The following PUM1 variants were observed in gnomAD, a reference collection of about 807,000 sequenced individuals.
The protein encoded by PUM1 is pumilio RNA binding family member 1.
In PUM1, 13 loss-of-function variants were observed where a neutral mutation model predicts 131.8. The observed-to-expected ratio is 0.10, with a 90% CI of 0.06 to 0.16. The LOEUF is 0.16. PUM1 is among the 10% of genes least tolerant of loss of function. The probability of loss-of-function intolerance (pLI) is 1.00; values close to 1 mark genes in which losing one functional copy is unlikely to be tolerated. For synonymous variants in PUM1, 509 were observed against 556.5 expected, an observed-to-expected ratio of 0.91 and a Z score of 1.20; for missense variants, 961 against 1,512.4, an observed-to-expected ratio of 0.64 and a Z score of 6.05.
chr1:31,035,523 G>T (rs192393035), intron 2 of PUM1, among the ~76,000 whole-genome samples: 1 of 152,174 alleles, frequency 6.6e-6, no homozygotes, highest in Non-Finnish European at 1.5e-5. Context: ...AGGCCGAGGC[G>T]GGCGGATCAC....
At chr1:30,933,428 T>TCACACACACACACACACACACACACA (rs1223375046) in intron 21 of PUM1, 86 bp from the exon 22 acceptor site, 1 of 947,890 alleles carries the variant, frequency 1.1e-6, no homozygotes, top group African/African-American at 1.9e-5. Context: ...ATGTCATGCA[T>TCACACACACACACACACACACACACA]CACACACACA....
At chr1:30,969,258 C>T (rs1298832505) in intron 10 of PUM1, among the ~76,000 whole-genome samples, 4 of 139,296 alleles carry the variant, frequency 2.9e-5, no homozygotes, top group Non-Finnish European at 6.0e-5. Flanking sequence ...GAGCTGAGAT[C>T]GAGACACTTC....
At chr1:30,970,301 AAG>A (rs1221960356) in intron 10 of PUM1, among the ~76,000 whole-genome samples, 1 of 152,260 alleles carries the variant, frequency 6.6e-6, no homozygotes, top group Non-Finnish European at 1.5e-5. Flanking sequence ...AATATTTGTT[AAG>A]TGAGTATAAG....
chr1:30,996,396 T>C lies in PUM1; in HGVS notation c.721-1176A>G, dbSNP rs568992537. 4.1e-4 allele frequency among the ~76,000 whole-genome samples: 63 copies of C among 152,268 alleles called. 1 individual carries two copies. The South Asian group carries it at 0.011, about 27-fold the overall frequency. On this transcript the variant is annotated intron_variant, in intron 5 of 21. Transcript: ENST00000426105. The stretch of plus-strand genomic sequence containing the variant: ...ACAGCAGCAGACACTCGGTTATAAA[T>C]AGACTGACTGTGGACAGGCCTGTAG...
intron 3 of PUM1, among the ~76,000 whole-genome samples, chr1:31,013,478 T>C (rs1642695295): frequency 6.6e-6 from 1 of 152,214 alleles, no homozygotes; most frequent in African/African-American, 2.4e-5. Flanking sequence ...GTTACAACCC[T>C]GCAGACGTGA....
intron 2 of PUM1, among the ~76,000 whole-genome samples, chr1:31,045,234 G>A (rs1181542098): frequency 2.6e-5 from 4 of 151,880 alleles, no homozygotes; most frequent in Non-Finnish European, 4.4e-5. Flanking sequence ...ACAGGGTTCA[G>A]GCGATTCTCC....
chr1:30,975,398 T>C (rs1367851122), intron 9 of PUM1, among the ~76,000 whole-genome samples: 2 of 151,880 alleles, frequency 1.3e-5, no homozygotes. Flanking sequence ...TCACCCAGGC[T>C]GGAATGCAAT....
At chr1:31,050,530 CATA>C (rs1239958215) in intron 2 of PUM1, among the ~76,000 whole-genome samples, 1 of 152,128 alleles carries the variant, frequency 6.6e-6, no homozygotes, top group Non-Finnish European at 1.5e-5. Context: ...TGACCAAGCA[CATA>C]ATGTTAAGCC....
intron 7 of PUM1, among the ~76,000 whole-genome samples, chr1:30,984,790 GCTA>G (rs1641482542): frequency 6.6e-6 from 1 of 152,170 alleles, no homozygotes; most frequent in Non-Finnish European, 1.5e-5. Flanking sequence ...ATAAAAGATA[GCTA>G]CTACTATTAT....
At chr1:30,967,014 T>A in intron 12 of PUM1, 153 bp downstream of exon 12, 4 of 790,622 alleles carry the variant, frequency 5.1e-6, no homozygotes, top group South Asian at 2.7e-5. Context: ...TCCACTAAGG[T>A]CACTTATTGC....
chr1:31,047,801 G>T (rs1490812649), intron 2 of PUM1, among the ~76,000 whole-genome samples: 1 of 152,198 alleles, frequency 6.6e-6, no homozygotes, highest in African/African-American at 2.4e-5. Context: ...AATTAGCTGG[G>T]CATGTTGGCA....
intron 3 of PUM1, among the ~76,000 whole-genome samples, chr1:31,011,260 G>A (rs1225714232): frequency 2.0e-5 from 3 of 151,722 alleles, no homozygotes; most frequent in African/African-American, 7.3e-5. Context: ...CAATAACACT[G>A]TTGTGAATAT....
intron 8 of PUM1, 40 bp from the exon 9 acceptor site, chr1:30,980,203 A>G: frequency 6.7e-7 from 1 of 1,495,766 alleles, no homozygotes; most frequent in Non-Finnish European, 9.3e-7. Context: ...AAACTTGACT[A>G]AAACTGCAGC....
chr1:31,028,678 G>T, intron 3 of PUM1, 118 bp downstream of exon 3: 1 of 889,912 alleles, frequency 1.1e-6, no homozygotes. Context: ...CATGAGAATG[G>T]CAACAAGGAA....
chr1:30,933,848 G>A (rs148106160), intron 21 of PUM1, among the ~76,000 whole-genome samples: 53 of 152,328 alleles, frequency 3.5e-4, no homozygotes, highest in African/African-American at 1.2e-3. Context: ...ATCACAGAAA[G>A]CTAATCAATG....
intron 18 of PUM1, among the ~76,000 whole-genome samples, chr1:30,942,687 CAAGAACAATAAT>C (rs1639505183): frequency 6.6e-6 from 1 of 152,150 alleles, no homozygotes; most frequent in Admixed American, 6.5e-5. Context: ...CAACTGTAAT[CAAGAACAATAAT>C]AAGAGCAATA....
chr1:31,056,609 C>CTTTTTTTTTTTTTTTTTT (rs57685772), intron 2 of PUM1, among the ~76,000 whole-genome samples: 2 of 43,710 alleles, frequency 4.6e-5, no homozygotes, highest in Non-Finnish European at 8.0e-5. Flanking sequence ...CTTTTCTTTT[C>CTTTTTTTTTTTTTTTTTT]TTTTTTTTTT....
rs938925223 is a variant in PUM1, at chr1:30,932,104, A to T, written c.*1107T>A. 6.6e-6 allele frequency: 1 copy of T among 152,660 alleles called. No individual in the cohort carries two copies. The highest frequency in any genetic ancestry group is 2.4e-5 in the African/African-American group (1 of 41,464). 9.5% of individuals were successfully genotyped at this position (152,660 alleles called of 1,614,324 possible). On this transcript the variant is annotated 3_prime_UTR_variant, in exon 22 of 22. Coordinates refer to ENST00000426105, the MANE Select transcript of PUM1 (RefSeq NM_001020658.2). Reference sequence around the variant, plus strand: ...ACTTCTGGTTGAAATTACAATTTACAATATACAACACTATATGCTACGACC... The same window carrying T: ...ACTTCTGGTTGAAATTACAATTTACTATATACAACACTATATGCTACGACC...
rs1028705606 is a variant in PUM1, at chr1:30,941,108, T to A, written c.3242+43A>T. On this transcript the variant is annotated intron_variant, in intron 20 of 21. Coordinates refer to ENST00000426105, the MANE Select transcript of PUM1 (RefSeq NM_001020658.2). The stretch of plus-strand genomic sequence containing the variant: ...GATAATTATAGTTCAATACTACTAA[T>A]CCTCTCTTCTGGGAAATAGTCCTTG... 7.0e-6 allele frequency: 11 copies of A among 1,573,908 alleles called. No individual in the cohort carries two copies. The East Asian group carries it at 9.0e-5, about 13-fold the overall frequency.
Sources: gnomAD v4.1 joint callset for allele counts (sites outside exome capture counted in the v4.1 genomes callset) on GRCh38, gnomAD v4.1.1 for gene constraint, MANE v1.5 for transcripts, NCBI Gene and HGNC (gene_info 2026-07-23, HGNC 2026-07-21) for gene names.